The following CLASP2 variants were observed in gnomAD, a reference collection of about 807,000 sequenced individuals.
CLASP2 encodes the protein CLIP-associating protein 2.
Under a neutral mutation model 194.4 loss-of-function variants are expected in CLASP2, and 47 were observed. The ratio of observed to expected loss-of-function variants is 0.24; its 90% CI spans 0.19 to 0.31. The LOEUF (loss-of-function observed/expected upper bound fraction) is 0.31, where lower values mean the gene tolerates loss of function less well. CLASP2 is among the 10% of genes least tolerant of loss of function. The pLI is 1.00. For synonymous variants in CLASP2, 619 were observed against 633.5 expected (o/e 0.98, Z 0.34); for missense variants, 1,445 against 1,823.6 (o/e 0.79, Z 3.78).
At position 33,527,644 on chromosome 3, in the gene CLASP2, A is replaced by C. The variant is rs74512587; in HGVS notation, c.3787+7589T>G. Reference sequence around the variant, plus strand: ...GGCCAGCATCACAGAATGATACCAAAACCTGGCAGAGTCTGGGTACTGTGG... The same window carrying C: ...GGCCAGCATCACAGAATGATACCAACACCTGGCAGAGTCTGGGTACTGTGG... On this transcript the variant is annotated intron_variant, in intron 34 of 38. Transcript: ENST00000682230. Among the ~76,000 whole-genome samples the C allele has an allele frequency of 3.3e-5, 5 of 152,300 alleles. No individual in the cohort carries two copies. In the East Asian group the frequency reaches 9.7e-4, roughly 29 times the overall value.
At chr3:33,618,238 G>A (rs945447768) in intron 12 of CLASP2, among the ~76,000 whole-genome samples, 1 of 151,934 alleles carries the variant, frequency 6.6e-6, no homozygotes, top group Non-Finnish European at 1.5e-5. Flanking sequence ...GTGAGCTGCC[G>A]CGCCCGGCCT....
chr3:33,688,389 A>C, intron 3 of CLASP2, 21 bp from the exon 4 acceptor site: 1 of 1,514,210 alleles, frequency 6.6e-7, no homozygotes, highest in Non-Finnish European at 8.9e-7. Flanking sequence ...GAAAAGTAAA[A>C]ACGTATAACA....
chr3:33,577,800 C>A (rs1436569556), intron 23 of CLASP2, among the ~76,000 whole-genome samples: 4 of 152,118 alleles, frequency 2.6e-5, no homozygotes, highest in Admixed American at 2.6e-4. Flanking sequence ...AGTGCCTTTA[C>A]AAAAGAGACC....
At chr3:33,626,416 C>T (rs1011538259) in intron 10 of CLASP2, among the ~76,000 whole-genome samples, 1 of 152,042 alleles carries the variant, frequency 6.6e-6, no homozygotes, top group Non-Finnish European at 1.5e-5. Flanking sequence ...ATTGTCAACA[C>T]AAATATTATT....
chr3:33,562,212 G>A (rs1377231046), intron 27 of CLASP2, among the ~76,000 whole-genome samples: 1 of 152,294 alleles, frequency 6.6e-6, no homozygotes, highest in East Asian at 1.9e-4. Flanking sequence ...TCCCCAGACA[G>A]TGTGTGCTTC....
chr3:33,641,160 C>CGAAAG, intron 8 of CLASP2, among the ~76,000 whole-genome samples: 1 of 151,568 alleles, frequency 6.6e-6, no homozygotes. Flanking sequence ...CAGAATCTTT[C>CGAAAG]ATTTTGAAAT....
At chr3:33,668,156 T>A (rs1489129956) in intron 6 of CLASP2, among the ~76,000 whole-genome samples, 2 of 152,128 alleles carry the variant, frequency 1.3e-5, no homozygotes, top group East Asian at 3.8e-4. Context: ...AAGACGGAGG[T>A]TGCAGTGAGC....
intron 34 of CLASP2, among the ~76,000 whole-genome samples, chr3:33,526,807 G>A (rs1245831631): frequency 3.3e-5 from 5 of 152,100 alleles, no homozygotes; most frequent in Admixed American, 2.0e-4. Context: ...AATAAAAATA[G>A]AAGTCAAGAC....
At chr3:33,502,013 C>T (rs987617169) in intron 37 of CLASP2, 1 of 344,676 alleles carries the variant, frequency 2.9e-6, no homozygotes, top group Non-Finnish European at 5.3e-6. Flanking sequence ...TGGAAAGCTG[C>T]ACTTCTCTGA....
At chr3:33,568,007 GTTAA>G (rs566572578) in intron 26 of CLASP2, among the ~76,000 whole-genome samples, 62 of 152,210 alleles carry the variant, frequency 4.1e-4, no homozygotes, top group Admixed American at 2.5e-3. Context: ...AGATATTGTG[GTTAA>G]TTATTTATTT....
chr3:33,544,776 T>C lies in CLASP2; in HGVS notation c.3219A>G (p.Gly1073=). 1 of 1,613,408 alleles carries C rather than the reference T, an allele frequency of 6.2e-7. No individual in the cohort carries two copies. The highest frequency in any genetic ancestry group is 8.5e-7 in the Non-Finnish European group (1 of 1,179,540). ...LNTPEFTMLL[G]ALPKTFQDGA... Reference sequence around the variant, plus strand: ...CATCCTGAAAAGTTTTTGGTAAAGCTCCTAATAACATTGTAAACTCTGGGG... The same window carrying C: ...CATCCTGAAAAGTTTTTGGTAAAGCCCCTAATAACATTGTAAACTCTGGGG... The change falls in exon 31 of 39, where the codon GGA becomes GGG. Residue 1073 remains glycine (G), a synonymous_variant. Coordinates refer to ENST00000682230, the MANE Select transcript of CLASP2 (RefSeq NM_001365631.1).
chr3:33,528,665 G>A (rs2055286673), intron 34 of CLASP2, among the ~76,000 whole-genome samples: 1 of 152,094 alleles, frequency 6.6e-6, no homozygotes, highest in Admixed American at 6.5e-5. Context: ...GGGAGGTTGA[G>A]GCAGGAGAAT....
chr3:33,637,445 A>T (rs747509983), intron 8 of CLASP2, among the ~76,000 whole-genome samples: 21 of 152,148 alleles, frequency 1.4e-4, no homozygotes, highest in Non-Finnish European at 2.9e-4. Flanking sequence ...GAGGCAGGAG[A>T]ATCGCTTGAA....
intron 1 of CLASP2, among the ~76,000 whole-genome samples, chr3:33,711,412 AT>A (rs1559712504): frequency 6.7e-6 from 1 of 149,984 alleles, no homozygotes; most frequent in Non-Finnish European, 1.5e-5. Context: ...TACCTGGCTA[AT>A]TTTTTTATTT....
chr3:33,584,642 C>T (rs974376781), intron 22 of CLASP2, 108 bp downstream of exon 22: 1 of 982,074 alleles, frequency 1.0e-6, no homozygotes. Context: ...TTATTTTCTT[C>T]TAATTTGTAA....
chr3:33,667,657 T>C (rs962083592), intron 6 of CLASP2, among the ~76,000 whole-genome samples: 1 of 152,106 alleles, frequency 6.6e-6, no homozygotes, highest in African/African-American at 2.4e-5. Flanking sequence ...TTTGAGTTAA[T>C]TTTTGGGTGT....
At chr3:33,583,527 T>C (rs1576760443) in intron 22 of CLASP2, among the ~76,000 whole-genome samples, 1 of 152,232 alleles carries the variant, frequency 6.6e-6, no homozygotes, top group East Asian at 1.9e-4. Context: ...ATATGTTATT[T>C]ACAGCTTTTC....
chr3:33,711,228 G>A (rs73055653), intron 1 of CLASP2, among the ~76,000 whole-genome samples: 16,011 of 151,108 alleles, frequency 0.11, 1,119 homozygotes, highest in Admixed American at 0.21. Flanking sequence ...TAGGCTGAGT[G>A]GGATTAACCA....
intron 1 of CLASP2, among the ~76,000 whole-genome samples, chr3:33,708,605 C>A (rs1400768390): frequency 6.7e-6 from 1 of 150,188 alleles, no homozygotes; most frequent in African/African-American, 2.4e-5. Flanking sequence ...TTTATCCATT[C>A]ATCTGTTTAT....
Sources: allele counts gnomAD v4.1 joint callset (sites outside exome capture counted in the v4.1 genomes callset), GRCh38; gene constraint gnomAD v4.1.1; transcripts MANE v1.5; gene names NCBI Gene and HGNC (gene_info 2026-07-23, HGNC 2026-07-21).